Variants in DROSHA observed in about 807,000 individuals in gnomAD.
The protein encoded by DROSHA is ribonuclease 3.
A neutral mutation model predicts 181.9 loss-of-function variants in DROSHA; 56 were observed. The observed-to-expected ratio is 0.31, with a 90% CI of 0.25 to 0.38. The LOEUF (loss-of-function observed/expected upper bound fraction) is 0.38. Ranked by LOEUF, DROSHA falls within the 10% of genes least tolerant of loss-of-function variation. DROSHA has a pLI of 1.00. For synonymous variants in DROSHA, 524 were observed against 591.2 expected, an observed-to-expected ratio of 0.89 and a Z score of 1.65; for missense variants, 1,218 against 1,743.5, an observed-to-expected ratio of 0.70 and a Z score of 5.37.
chr5:31,514,969 T>C lies in DROSHA; in HGVS notation c.1290+19A>G. ...CCGAGAAGCCCTAGTCTACAGCTTG[T>C]CTGCTACTTCAGACCTACCACCTGA... On this transcript the variant is annotated intron_variant, in intron 8 of 35. Coordinates refer to ENST00000344624, the MANE Select transcript of DROSHA (RefSeq NM_001382508.1). The surrounding 1 kb of genome is among the most constrained non-coding windows in gnomAD (Gnocchi z 4.4). 1 of 1,610,082 alleles carries C rather than the reference T, an allele frequency of 6.2e-7. No individual in the cohort carries two copies. Among genetic ancestry groups the C allele is most frequent in the East Asian group, 2.2e-5 (1 of 44,860 alleles).
chr5:31,405,640 A>G (rs1579969385), intron 35 of DROSHA, 37 bp downstream of exon 35: 1 of 1,520,100 alleles, frequency 6.6e-7, no homozygotes, highest in Non-Finnish European at 8.8e-7. Flanking sequence ...CACTCATTAC[A>G]TTATGAACAT....
chr5:31,512,072 A>G (rs1409179712), intron 8 of DROSHA, among the ~76,000 whole-genome samples: 1 of 152,150 alleles, frequency 6.6e-6, no homozygotes, highest in African/African-American at 2.4e-5. Context: ...ACTTTTCCTC[A>G]CTCAATTTCC....
chr5:31,446,175 G>A (rs1008079785), intron 23 of DROSHA, among the ~76,000 whole-genome samples: 9 of 152,136 alleles, frequency 5.9e-5, no homozygotes, highest in African/African-American at 1.4e-4. Flanking sequence ...GGCCGGGCGT[G>A]GTGGCTCACG....
At chr5:31,423,471 T>C (rs558844993) in intron 28 of DROSHA, 1 of 152,962 alleles carries the variant, frequency 6.5e-6, no homozygotes, top group South Asian at 2.1e-4. Context: ...CTACTGTGTT[T>C]TCTAGGGACC....
intron 30 of DROSHA, among the ~76,000 whole-genome samples, chr5:31,416,515 C>G (rs1486817872): frequency 6.6e-6 from 1 of 151,142 alleles, no homozygotes; most frequent in Non-Finnish European, 1.5e-5. Flanking sequence ...GGAAGGAAAA[C>G]AACACAGAAT....
At chr5:31,427,344 A>G (rs1743602171) in intron 27 of DROSHA, among the ~76,000 whole-genome samples, 1 of 152,192 alleles carries the variant, frequency 6.6e-6, no homozygotes, top group African/African-American at 2.4e-5. Flanking sequence ...TTGAAGGGTT[A>G]CACAAAGACC....
At chr5:31,403,575 G>A (rs541078402) in intron 35 of DROSHA, among the ~76,000 whole-genome samples, 2 of 152,162 alleles carry the variant, frequency 1.3e-5, no homozygotes, top group South Asian at 4.2e-4. Context: ...AACCATTACT[G>A]TAATGCATAC....
Position 31,508,626 on chromosome 5 carries a change from C to T in DROSHA, c.1582G>A (p.Gly528Ser). 6.2e-6 allele frequency: 10 copies of T among 1,613,896 alleles called. No homozygotes were observed. Among genetic ancestry groups the T allele is most frequent in the Non-Finnish European group, 8.5e-6 (10 of 1,179,866 alleles). ...AAGGGCATAAAAACACGCACCTGGC[C>T]TGGATCGTTGTACCAAAGTTCATCA... ...LHDELWYNDP[G>S]QMNDGPLCKC... The change falls in exon 10 of 36, where the codon GGC (glycine) becomes AGC (serine). Residue 528 changes from glycine (G) to serine (S), a missense_variant. Transcript: ENST00000344624.
At chr5:31,494,603 A>C (rs565137199) in intron 12 of DROSHA, among the ~76,000 whole-genome samples, 56 of 152,200 alleles carry the variant, frequency 3.7e-4, no homozygotes, top group Non-Finnish European at 6.6e-4. Flanking sequence ...CTGGGCAACA[A>C]AGTGAGATCT....
At chr5:31,406,992 T>A in intron 33 of DROSHA, 47 bp from the exon 34 acceptor site, 1 of 1,551,400 alleles carries the variant, frequency 6.4e-7, no homozygotes. Flanking sequence ...GTGTTATTTG[T>A]CATGGTTACT....
intron 20 of DROSHA, among the ~76,000 whole-genome samples, chr5:31,454,637 C>T (rs1248293832): frequency 1.3e-5 from 2 of 151,988 alleles, no homozygotes; most frequent in African/African-American, 2.4e-5. Flanking sequence ...AACATCCTTG[C>T]TGATAATAAA....
At chr5:31,466,433 T>C in intron 18 of DROSHA, 152 bp from the exon 19 acceptor site, 1 of 651,808 alleles carries the variant, frequency 1.5e-6, no homozygotes, top group Non-Finnish European at 2.6e-6. Flanking sequence ...AGGAAGGCTA[T>C]GACTTTGAGG....
Position 31,462,668 on chromosome 5 carries a change from A to AG in DROSHA, c.2574+1567_2574+1568insC, listed in dbSNP as rs33999533. ...GAAAAAAAAAGGCTCAATGCTTCAG[A>AG]AAAAAAAAAAAAAGATACTGTATTC... On this transcript the variant is annotated intron_variant, in intron 20 of 35. Transcript: ENST00000344624. Among the ~76,000 whole-genome samples the AG allele has an allele frequency of 5.0e-4, 35 of 70,698 alleles. No individual in the cohort carries two copies. The Admixed American group carries it at 5.2e-3, about 10-fold the overall frequency. 46.4% of individuals were successfully genotyped at this position (70,698 alleles called of 152,430 possible). A position where few individuals can be genotyped will look rare whatever the true frequency, so the allele number is the denominator to read the frequency against.
chr5:31,518,075 A>G (rs776256342), intron 6 of DROSHA, among the ~76,000 whole-genome samples: 4 of 152,208 alleles, frequency 2.6e-5, no homozygotes, highest in Admixed American at 1.3e-4. Flanking sequence ...ACAAACTTAG[A>G]TGGTATAGCC....
At chr5:31,493,949 G>C (rs201216864) in intron 12 of DROSHA, among the ~76,000 whole-genome samples, 41 of 43,816 alleles carry the variant, frequency 9.4e-4, no homozygotes, top group East Asian at 5.4e-3. Flanking sequence ...GTGTGTGTGT[G>C]TGTGTGTGTG....
intron 17 of DROSHA, among the ~76,000 whole-genome samples, chr5:31,469,798 T>C (rs946900111): frequency 2.0e-5 from 3 of 152,240 alleles, no homozygotes; most frequent in Non-Finnish European, 4.4e-5. Context: ...TTATGCCATC[T>C]TTGTTTAAGA....
chr5:31,495,427 T>C, intron 11 of DROSHA, 55 bp from the exon 12 acceptor site: 4 of 1,479,980 alleles, frequency 2.7e-6, no homozygotes, highest in Non-Finnish European at 3.7e-6. Flanking sequence ...TACTTTTACT[T>C]AAAAATATAT....
chr5:31,515,610 T>C (rs970714404), intron 6 of DROSHA, 46 bp from the exon 7 acceptor site: 1 of 1,548,076 alleles, frequency 6.5e-7, no homozygotes, highest in South Asian at 1.2e-5. Context: ...TGTCCACATA[T>C]GGACAATTTC....
At chr5:31,474,194 T>A (rs896354734) in intron 16 of DROSHA, among the ~76,000 whole-genome samples, 1 of 152,156 alleles carries the variant, frequency 6.6e-6, no homozygotes, top group African/African-American at 2.4e-5. Context: ...ACAAAATACA[T>A]CAACCCACAT....
Sources: gnomAD v4.1 joint callset for allele counts (sites outside exome capture counted in the v4.1 genomes callset) on GRCh38, gnomAD v4.1.1 for gene constraint, Gnocchi (gnomAD v3.1) non-coding constraint, MANE v1.5 for transcripts, NCBI Gene and HGNC (gene_info 2026-07-23, HGNC 2026-07-21) for gene names.